DNAH3: variants seen among roughly 807,000 people sequenced by gnomAD.
DNAH3 encodes the protein dynein axonemal heavy chain 3.
DNAH3 carries 332 observed loss-of-function variants against 432.5 expected under a neutral mutation model. The observed-to-expected ratio is 0.77, with a 90% CI of 0.70 to 0.84. The LOEUF (loss-of-function observed/expected upper bound fraction) is 0.84. Among genes scored for constraint, DNAH3 ranks in the 40% least tolerant of loss-of-function variants. The pLI is 0.00. For synonymous variants in DNAH3, 1,956 were observed against 1,900.2 expected (o/e 1.03, Z -0.76); for missense variants, 4,861 against 5,114.0 (o/e 0.95, Z 1.51).
intron 35 of DNAH3, among the ~76,000 whole-genome samples, 197 bp downstream of exon 35, chr16:21,036,517 C>T (rs1286175289): frequency 2.0e-5 from 3 of 152,136 alleles, no homozygotes; most frequent in Non-Finnish European, 1.5e-5. Flanking sequence ...TGGGCTCAAA[C>T]GATCCTCCCA....
At chr16:21,060,589 A>C (rs1356244239) in intron 25 of DNAH3, among the ~76,000 whole-genome samples, 5 of 126,512 alleles carry the variant, frequency 4.0e-5, no homozygotes, top group Non-Finnish European at 6.2e-5. Context: ...CACTGTCATG[A>C]TCTTGGCTCA....
chr16:21,070,393 C>A (rs1402854833), intron 22 of DNAH3, among the ~76,000 whole-genome samples: 1 of 152,112 alleles, frequency 6.6e-6, no homozygotes, highest in African/African-American at 2.4e-5. Flanking sequence ...AGTGATTCTC[C>A]TGTCTCAGCC....
chr16:21,032,915 A>G (rs1324720380), intron 36 of DNAH3, among the ~76,000 whole-genome samples: 1 of 152,054 alleles, frequency 6.6e-6, no homozygotes, highest in Non-Finnish European at 1.5e-5. Context: ...TATTAAAGGT[A>G]TATTTCTTTA....
exon 15 of DNAH3, chr16:21,106,536 A>C: frequency 6.2e-7 from 1 of 1,612,132 alleles, no homozygotes; most frequent in Non-Finnish European, 8.5e-7. Flanking sequence ...GTTCACTTGC[A>C]TCTCTAAGTT....
At chr16:21,152,220 G>A (rs563803193) in intron 1 of DNAH3, among the ~76,000 whole-genome samples, 80 of 151,836 alleles carry the variant, frequency 5.3e-4, no homozygotes, top group Admixed American at 4.6e-3. Flanking sequence ...CAACAAGAGC[G>A]AAACTCCATC....
At chr16:21,000,407 T>C in exon 43 of DNAH3, 1 of 1,614,182 alleles carries the variant, frequency 6.2e-7, no homozygotes, top group Non-Finnish European at 8.5e-7. Context: ...ATGGCTGATT[T>C]GCCAGTGCCT....
intron 15 of DNAH3, among the ~76,000 whole-genome samples, chr16:21,105,995 C>G (rs189311362): frequency 1.3e-5 from 2 of 151,254 alleles, no homozygotes; most frequent in South Asian, 4.2e-4. Context: ...TCCTGGCCAA[C>G]ATGGTAAAAC....
At chr16:20,949,695 G>T (rs1018675393) in intron 56 of DNAH3, among the ~76,000 whole-genome samples, 1 of 152,188 alleles carries the variant, frequency 6.6e-6, no homozygotes, top group African/African-American at 2.4e-5. Context: ...ATTACAACGA[G>T]CAAAGACTCT....
intron 59 of DNAH3, among the ~76,000 whole-genome samples, chr16:20,940,341 C>T (rs1379428291): frequency 2.0e-5 from 3 of 151,700 alleles, no homozygotes; most frequent in African/African-American, 4.8e-5. Flanking sequence ...GGATTGTAGG[C>T]GTGAGTGATC....
chr16:20,937,330 C>A (rs1450474379), intron 59 of DNAH3, among the ~76,000 whole-genome samples: 2 of 151,768 alleles, frequency 1.3e-5, no homozygotes, highest in African/African-American at 4.8e-5. Flanking sequence ...TTTGTAACGA[C>A]TGCAAAATGT....
chr16:20,967,634 C>G (rs7187094), intron 52 of DNAH3, among the ~76,000 whole-genome samples: 20 of 150,296 alleles, frequency 1.3e-4, no homozygotes, highest in Non-Finnish European at 2.8e-4. Context: ...TTCCGTGTAG[C>G]TGGGATTAGG....
rs189138292 is a variant in DNAH3 at position 21,116,934 on chromosome 16, T to A, written c.1814+269A>T. Among the ~76,000 whole-genome samples, 334 of 152,370 alleles carry A rather than the reference T, an allele frequency of 2.2e-3. 3 individuals carry two copies. Among genetic ancestry groups the A allele is most frequent in the African/African-American group, 7.9e-3 (329 of 41,594 alleles). On this transcript the variant is annotated intron_variant, in intron 12 of 61. Coordinates refer to ENST00000261383, the Ensembl canonical transcript of DNAH3. ...AAATTTTGAAGTGCCAAAACCCATC[T>A]GGCTTCACAACTATCAGATAATGGA...
intron 59 of DNAH3, among the ~76,000 whole-genome samples, chr16:20,940,668 G>A (rs1379224079): frequency 6.6e-6 from 1 of 151,740 alleles, no homozygotes; most frequent in Non-Finnish European, 1.5e-5. Flanking sequence ...CTGGCCTCAG[G>A]TGATCCTCCC....
intron 18 of DNAH3, among the ~76,000 whole-genome samples, chr16:21,088,181 T>C (rs905618585): frequency 1.3e-5 from 2 of 152,086 alleles, no homozygotes; most frequent in South Asian, 2.1e-4. Flanking sequence ...AACATTTTTG[T>C]TGCGTGATTA....
exon 53 of DNAH3, chr16:20,965,135 C>T (rs772199196): frequency 1.4e-5 from 22 of 1,614,036 alleles, no homozygotes; most frequent in South Asian, 5.5e-5. Flanking sequence ...TGCATCTGTG[C>T]AGCCAGCTTC....
chr16:21,134,336 G>A (rs16970950), exon 7 of DNAH3: 76,275 of 1,613,678 alleles, frequency 0.047, 2,714 homozygotes, highest in East Asian at 0.2. Flanking sequence ...ACTTCTTGGC[G>A]CTCCTGTAGA....
chr16:21,019,517 C>T, intron 41 of DNAH3, 107 bp downstream of exon 41: 1 of 1,302,852 alleles, frequency 7.7e-7, no homozygotes, highest in Non-Finnish European at 1.1e-6. Context: ...CGTGCCTGGC[C>T]TTCTGTGGCT....
At chr16:21,153,753 G>A (rs2092879365) in intron 1 of DNAH3, among the ~76,000 whole-genome samples, 1 of 152,058 alleles carries the variant, frequency 6.6e-6, no homozygotes, top group Non-Finnish European at 1.5e-5. Context: ...TACCTTAAGA[G>A]CTGTAACACT....
At chr16:20,948,746 T>G in intron 56 of DNAH3, 109 bp from the exon 57 acceptor site, 1 of 1,228,612 alleles carries the variant, frequency 8.1e-7, no homozygotes, top group Non-Finnish European at 1.2e-6. Flanking sequence ...TGCTGGGACA[T>G]AGTGATAGGG....
Sources: gnomAD v4.1 joint callset for allele counts (sites outside exome capture counted in the v4.1 genomes callset) on GRCh38, gnomAD v4.1.1 for gene constraint, MANE v1.5 for transcripts, NCBI Gene and HGNC (gene_info 2026-07-23, HGNC 2026-07-21) for gene names.